The following PPM1G variants were observed in gnomAD, a reference collection of about 807,000 sequenced individuals.
PPM1G encodes the protein protein phosphatase, Mg2+/Mn2+ dependent 1G.
PPM1G carries 12 observed loss-of-function variants against 59.4 expected under a neutral mutation model. The ratio of observed to expected loss-of-function variants is 0.20; its 90% CI spans 0.13 to 0.33. The LOEUF (loss-of-function observed/expected upper bound fraction) is 0.33. Ranked by LOEUF, PPM1G falls within the 10% of genes least tolerant of loss-of-function variation. PPM1G has a pLI of 1.00. For missense variants in PPM1G, 392 were observed against 681.3 expected (o/e 0.58, Z 4.73); for synonymous variants, 245 against 251.9 (o/e 0.97, Z 0.26).
chr2:27,403,192 C>T (rs1572669556), intron 1 of PPM1G, among the ~76,000 whole-genome samples: 2 of 152,152 alleles, frequency 1.3e-5, no homozygotes, highest in East Asian at 3.8e-4. Flanking sequence ...GCCTGTAATT[C>T]CAGCACTTTG....
intron 1 of PPM1G, among the ~76,000 whole-genome samples, chr2:27,407,867 A>T (rs1298823167): frequency 1.3e-5 from 2 of 152,014 alleles, no homozygotes; most frequent in African/African-American, 4.8e-5. Context: ...GACCCACATG[A>T]AGAAACCCTG....
At position 27,385,987 on chromosome 2, in the gene PPM1G, AG is replaced by A; in HGVS notation, c.277-109del. On this transcript the variant is annotated intron_variant, in intron 3 of 9. Transcript: ENST00000344034. The surrounding 1 kb of genome is among the most constrained non-coding windows in gnomAD (Gnocchi z 4.1). ...TAAGAGTGTGAGCCACCACACTAAG[AG>A]ACACTCACAGATAAAAACAGCTCAG... The A allele has an allele frequency of 2.1e-6, 3 of 1,395,896 alleles. No homozygotes were observed. The highest frequency in any genetic ancestry group is 2.9e-6 in the Non-Finnish European group (3 of 1,034,368). 86.5% of individuals were successfully genotyped at this position (1,395,896 alleles called of 1,614,324 possible). A position where few individuals can be genotyped will look rare whatever the true frequency, so the allele number is the denominator to read the frequency against.
chr2:27,394,490 G>A (rs1217618580), intron 1 of PPM1G, among the ~76,000 whole-genome samples: 2 of 151,866 alleles, frequency 1.3e-5, no homozygotes, highest in African/African-American at 2.4e-5. Context: ...CACCACTTTG[G>A]GAGGCCGAGG....
chr2:27,383,264 G>A lies in PPM1G; in HGVS notation c.1201+102C>T. 1 of 993,498 alleles carries A rather than the reference G, an allele frequency of 1.0e-6. No individual in the cohort carries two copies. Among genetic ancestry groups the A allele is most frequent in the Middle Eastern group, 2.1e-4 (1 of 4,672 alleles). 61.5% of individuals were successfully genotyped at this position (993,498 alleles called of 1,614,324 possible). A position where few individuals can be genotyped will look rare whatever the true frequency, so the allele number is the denominator to read the frequency against. On this transcript the variant is annotated intron_variant, in intron 7 of 9. Transcript: ENST00000344034. This position sits in a 1 kb window ranked among gnomAD's most constrained non-coding sequence, Gnocchi z 5.0. ...GAACAGAGGTAGTAGATATTAAAGT[G>A]CTTTGAAAGGCACAAGCACTAGGAA...
At chr2:27,393,484 A>G in intron 1 of PPM1G, 4 of 750,040 alleles carry the variant, frequency 5.3e-6, no homozygotes, top group Non-Finnish European at 9.3e-6. Flanking sequence ...AGGGCTGGCT[A>G]TGGGCGGCCG....
chr2:27,402,589 G>A (rs1042626168), intron 1 of PPM1G, among the ~76,000 whole-genome samples: 15 of 151,846 alleles, frequency 9.9e-5, no homozygotes, highest in African/African-American at 2.9e-4. Context: ...GGTGGATCAC[G>A]AGGTCAGGAA....
intron 1 of PPM1G, among the ~76,000 whole-genome samples, chr2:27,390,779 T>C (rs1329569508): frequency 1.3e-5 from 2 of 152,140 alleles, no homozygotes; most frequent in South Asian, 4.1e-4. Context: ...TAGTATCAAA[T>C]AGGTAGTTTT....
intron 1 of PPM1G, among the ~76,000 whole-genome samples, chr2:27,401,653 C>T (rs1156796144): frequency 1.3e-5 from 2 of 152,072 alleles, no homozygotes; most frequent in African/African-American, 4.8e-5. Flanking sequence ...TGGTGAAACC[C>T]TGTTTCTACT....
At chr2:27,389,503 T>C (rs530095788) in intron 1 of PPM1G, among the ~76,000 whole-genome samples, 1 of 152,250 alleles carries the variant, frequency 6.6e-6, no homozygotes, top group Non-Finnish European at 1.5e-5. Flanking sequence ...TTTACATGTC[T>C]GCTCATAACC....
chr2:27,390,849 A>G (rs1026264122), intron 1 of PPM1G, among the ~76,000 whole-genome samples: 2 of 144,230 alleles, frequency 1.4e-5, no homozygotes, highest in African/African-American at 5.2e-5. Context: ...CACCTCTAGT[A>G]GACCCATGTC....
intron 1 of PPM1G, among the ~76,000 whole-genome samples, chr2:27,408,289 G>A (rs1663429123): frequency 6.6e-6 from 1 of 152,170 alleles, no homozygotes; most frequent in South Asian, 2.1e-4. Context: ...CCACCCGGTA[G>A]GTGGAGAAAC....
chr2:27,382,728 A>C lies in PPM1G; in HGVS notation c.1202-123T>G, dbSNP rs1683663199. ...AGTTCCATAATCTAGTGGAATGGGG[A>C]ACTGAGTCCTAAGTCCTAGTTTTTC... On this transcript the variant is annotated intron_variant, in intron 7 of 9. Transcript: ENST00000344034. This position sits in a 1 kb window ranked among gnomAD's most constrained non-coding sequence, Gnocchi z 4.2. 7.9e-7 allele frequency: 1 copy of C among 1,270,650 alleles called. No homozygotes were observed. Among genetic ancestry groups the C allele is most frequent in the Non-Finnish European group, 1.1e-6 (1 of 909,602 alleles). 78.7% of individuals were successfully genotyped at this position (1,270,650 alleles called of 1,614,324 possible). A position where few individuals can be genotyped will look rare whatever the true frequency, so the allele number is the denominator to read the frequency against.
chr2:27,384,837 C>T lies in PPM1G; in HGVS notation c.661G>A (p.Gly221Arg). 1.9e-6 allele frequency: 3 copies of T among 1,614,222 alleles called. No individual in the cohort carries two copies. Among genetic ancestry groups the T allele is most frequent in the Non-Finnish European group, 1.7e-6 (2 of 1,180,044 alleles). ...YTGFSSNSER[G>R]TEAGQVGEPG... ...TCACCAACTTGGCCTGCCTCAGTCC[C>T]ACGTTCCGAGTTGGAGGAAAAGCCT... The change falls in exon 5 of 10, where the codon GGG becomes AGG. Residue 221 changes from glycine (G) to arginine (R), a missense_variant. Coordinates refer to ENST00000344034, the MANE Select transcript of PPM1G (RefSeq NM_177983.3). This position sits in a 1 kb window ranked among gnomAD's most constrained non-coding sequence, Gnocchi z 4.8.
intron 1 of PPM1G, 118 bp downstream of exon 1, chr2:27,409,185 G>T: frequency 7.3e-7 from 1 of 1,362,618 alleles, no homozygotes; most frequent in Non-Finnish European, 9.6e-7. Flanking sequence ...GCAAACGGCC[G>T]CTGCGGCCGC....
chr2:27,390,144 G>A (rs140433060), intron 1 of PPM1G, among the ~76,000 whole-genome samples: 2 of 152,090 alleles, frequency 1.3e-5, no homozygotes, highest in East Asian at 1.9e-4. Context: ...AGTCTCCTGA[G>A]TGGCTGAAAT....
At chr2:27,389,298 A>C (rs1331407854) in intron 1 of PPM1G, among the ~76,000 whole-genome samples, 2 of 152,066 alleles carry the variant, frequency 1.3e-5, no homozygotes, top group African/African-American at 4.8e-5. Context: ...GAAATTTAGC[A>C]CCCATTTCAC....
intron 1 of PPM1G, among the ~76,000 whole-genome samples, chr2:27,400,616 A>C (rs919862685): frequency 1.3e-5 from 2 of 152,120 alleles, no homozygotes; most frequent in African/African-American, 4.8e-5. Flanking sequence ...AACAACAATA[A>C]TTAAAACTGA....
intron 1 of PPM1G, chr2:27,393,359 G>A (rs199751031): frequency 1.9e-6 from 3 of 1,588,144 alleles, no homozygotes; most frequent in Non-Finnish European, 2.6e-6. Flanking sequence ...AGGTAGACGC[G>A]GTCGTCATGC....
At chr2:27,394,009 G>A (rs1264167345) in intron 1 of PPM1G, among the ~76,000 whole-genome samples, 1 of 152,074 alleles carries the variant, frequency 6.6e-6, no homozygotes, top group Non-Finnish European at 1.5e-5. Context: ...TGATCCACCT[G>A]CCTCGGCCTC....
Sources: gnomAD v4.1 joint callset for allele counts (sites outside exome capture counted in the v4.1 genomes callset) on GRCh38, gnomAD v4.1.1 for gene constraint, Gnocchi (gnomAD v3.1) non-coding constraint, MANE v1.5 for transcripts, NCBI Gene and HGNC (gene_info 2026-07-23, HGNC 2026-07-21) for gene names.